Variants in MIB1 observed in about 807,000 individuals in gnomAD.
The protein encoded by MIB1 is MIB E3 ubiquitin protein ligase 1.
MIB1 carries 278 observed loss-of-function variants against 124.5 expected under a neutral mutation model. The ratio of observed to expected loss-of-function variants is 2.23; its 90% CI spans 2.02 to 2.47. MIB1 has a LOEUF of 2.47. MIB1 is among the 30% of genes most tolerant of loss of function. The pLI is 0.00. For synonymous variants in MIB1, 446 were observed against 429.4 expected, an observed-to-expected ratio of 1.04 and a Z score of -0.48; for missense variants, 957 against 1,254.4, an observed-to-expected ratio of 0.76 and a Z score of 3.58.
At chr18:21,817,285 A>T (rs1188088599) in intron 11 of MIB1, among the ~76,000 whole-genome samples, 2 of 146,640 alleles carry the variant, frequency 1.4e-5, no homozygotes, top group Admixed American at 1.4e-4. Context: ...AGTAGCTGGG[A>T]CTACAGGTGT....
chr18:21,721,628 T>C (rs192081534), intron 1 of MIB1, among the ~76,000 whole-genome samples: 5 of 152,322 alleles, frequency 3.3e-5, no homozygotes, highest in African/African-American at 1.2e-4. Context: ...GAAACTCAGG[T>C]ATCTTTGAAA....
intron 10 of MIB1, among the ~76,000 whole-genome samples, chr18:21,806,095 G>A (rs954966001): frequency 7.9e-5 from 12 of 151,562 alleles, no homozygotes; most frequent in Non-Finnish European, 1.2e-4. Context: ...TAGAGTTGGG[G>A]TTTCGCCATG....
intron 1 of MIB1, among the ~76,000 whole-genome samples, chr18:21,743,784 AG>A (rs2040882492): frequency 1.3e-5 from 2 of 152,252 alleles, no homozygotes; most frequent in Non-Finnish European, 2.9e-5. Context: ...TTAAGTATCT[AG>A]GGTAAAGTGT....
intron 7 of MIB1, among the ~76,000 whole-genome samples, chr18:21,795,329 AATATATAAT>A (rs1055894559): frequency 4.4e-5 from 6 of 137,150 alleles, no homozygotes; most frequent in African/African-American, 8.6e-5. Flanking sequence ...ATAATATATA[AATATATAAT>A]ATATATAATA....
intron 1 of MIB1, chr18:21,712,109 T>A (rs1221256825): frequency 1.5e-4 from 26 of 176,190 alleles, no homozygotes; most frequent in Non-Finnish European, 7.5e-5. Flanking sequence ...ACAGTGCTTA[T>A]ACAGGAAGTT....
At chr18:21,774,326 C>T (rs980999331) in intron 4 of MIB1, among the ~76,000 whole-genome samples, 4 of 152,176 alleles carry the variant, frequency 2.6e-5, no homozygotes, top group Non-Finnish European at 4.4e-5. Context: ...CGGTGGCTCA[C>T]GCCTGTAATC....
At chr18:21,785,474 A>G (rs1395889441) in intron 6 of MIB1, among the ~76,000 whole-genome samples, 1 of 152,204 alleles carries the variant, frequency 6.6e-6, no homozygotes, top group East Asian at 1.9e-4. Flanking sequence ...TTTGATTACA[A>G]AGAAAATCAA....
chr18:21,761,971 G>A (rs2041103102), intron 1 of MIB1, among the ~76,000 whole-genome samples: 1 of 152,166 alleles, frequency 6.6e-6, no homozygotes, highest in Admixed American at 6.5e-5. Context: ...AATAATGGGT[G>A]GGAGTACACG....
chr18:21,838,317 G>A lies in MIB1; in HGVS notation c.1830-48G>A. 10 of 1,364,182 alleles carry A rather than the reference G, an allele frequency of 7.3e-6. No individual in the cohort carries two copies. The East Asian group carries it at 7.4e-5, about 10-fold the overall frequency. 84.5% of individuals were successfully genotyped at this position (1,364,182 alleles called of 1,614,324 possible). A position where few individuals can be genotyped will look rare whatever the true frequency, so the allele number is the denominator to read the frequency against. On this transcript the variant is annotated intron_variant, in intron 12 of 20. Transcript: ENST00000261537. ...ATTTGATTGCAAACTTTTCTTTTGA[G>A]TATATCAAATTATGCAAATATAGAA...
intron 15 of MIB1, among the ~76,000 whole-genome samples, chr18:21,845,582 C>T (rs1378630256): frequency 6.6e-6 from 1 of 151,978 alleles, no homozygotes; most frequent in African/African-American, 2.4e-5. Flanking sequence ...TTGTGGATAT[C>T]CAGTTGTTCC....
At chr18:21,710,965 T>A (rs1462164985) in intron 1 of MIB1, among the ~76,000 whole-genome samples, 1 of 151,976 alleles carries the variant, frequency 6.6e-6, no homozygotes, top group Non-Finnish European at 1.5e-5. Flanking sequence ...TAGCTGGGAT[T>A]ACAGGCATGT....
At chr18:21,792,575 T>C (rs773290111) in intron 7 of MIB1, among the ~76,000 whole-genome samples, 26 of 152,112 alleles carry the variant, frequency 1.7e-4, no homozygotes, top group Admixed American at 1.0e-3. Context: ...GCTACAATAG[T>C]GAACAATACA....
In MIB1 at chr18:21,819,585, AC is replaced by A. The variant is rs1445511257; in HGVS notation, c.1770del (p.Ile591SerfsTer15). The A allele has an allele frequency of 1.2e-6, 2 of 1,612,126 alleles. No individual in the cohort carries two copies. Among genetic ancestry groups the A allele is most frequent in the Non-Finnish European group, 1.7e-6 (2 of 1,178,832 alleles). On this transcript the variant is annotated frameshift_variant, in exon 12 of 21. Coordinates refer to ENST00000261537, the MANE Select transcript of MIB1 (RefSeq NM_020774.4). LOFTEE classifies it high-confidence loss of function. ...TCTTTTGGAAGCTGGAGCAGATGTT[AC>A]CATCACAAACAATAATGGATTTAAT... ...AVLLEAGADV[T>X]ITNNNGFNAL...
intron 18 of MIB1, among the ~76,000 whole-genome samples, chr18:21,856,102 C>T (rs1020125834): frequency 2.0e-5 from 3 of 151,186 alleles, no homozygotes; most frequent in Admixed American, 6.6e-5. Context: ...CGGTGGCGGG[C>T]GCCTGTAGTC....
chr18:21,867,994 G>C lies in MIB1; in HGVS notation c.*3328G>C, dbSNP rs1006108485. On this transcript the variant is annotated 3_prime_UTR_variant, in exon 21 of 21. Transcript: ENST00000261537. The stretch of plus-strand genomic sequence containing the variant: ...ATCATACAGATGTCATCAAATTATA[G>C]GCTTTAATACAGGTTGCTTTTTTTA... 7 of 151,980 alleles carry C rather than the reference G, an allele frequency of 4.6e-5. No individual in the cohort carries two copies. The highest frequency in any genetic ancestry group is 1.7e-4 in the African/African-American group (7 of 41,410). The allele number at this position is 151,980 out of a possible 1,614,324, so 9.4% of individuals were successfully genotyped here.
chr18:21,783,877 G>A (rs1444792108), intron 6 of MIB1, among the ~76,000 whole-genome samples: 1 of 151,690 alleles, frequency 6.6e-6, no homozygotes, highest in Non-Finnish European at 1.5e-5. Context: ...CTTCCAAGTG[G>A]CTGGAACTAC....
rs543170539 is a variant in MIB1, at chr18:21,811,625, G to T, written c.1480-3991G>T. Among the ~76,000 whole-genome samples, 15 of 152,228 alleles carry T rather than the reference G, an allele frequency of 9.9e-5. 1 individual carries two copies. In the South Asian group the frequency reaches 2.3e-3, roughly 23 times the overall value. Reference sequence around the variant, plus strand: ...GTTACAAAAAGACAAATACTGTATGGTTCCACTAAGAAGTATAGATAGTAG... The same window carrying T: ...GTTACAAAAAGACAAATACTGTATGTTTCCACTAAGAAGTATAGATAGTAG... On this transcript the variant is annotated intron_variant, in intron 10 of 20. Transcript: ENST00000261537.
At chr18:21,779,773 A>C (rs2041337124) in intron 6 of MIB1, 88 bp downstream of exon 6, 2 of 1,025,728 alleles carry the variant, frequency 1.9e-6, no homozygotes, top group South Asian at 2.8e-5. Context: ...TGATACAACC[A>C]AATACTCATT....
Position 21,867,348 on chromosome 18 carries a change from C to A in MIB1, c.*2682C>A. On this transcript the variant is annotated 3_prime_UTR_variant, in exon 21 of 21. Transcript: ENST00000261537. Reference sequence around the variant, plus strand: ...TCTGTATCCCTCACCCTACCATTTTCTCCTTTATTCTTCTAAGATTGTTAG... The same window carrying A: ...TCTGTATCCCTCACCCTACCATTTTATCCTTTATTCTTCTAAGATTGTTAG... The A allele has an allele frequency of 6.6e-6, 1 of 152,562 alleles. No homozygotes were observed. Among genetic ancestry groups the A allele is most frequent in the East Asian group, 1.9e-4 (1 of 5,196 alleles). 9.5% of individuals were successfully genotyped at this position (152,562 alleles called of 1,614,324 possible). A position where few individuals can be genotyped will look rare whatever the true frequency, so the allele number is the denominator to read the frequency against.
Sources: allele counts gnomAD v4.1 joint callset (sites outside exome capture counted in the v4.1 genomes callset), GRCh38; gene constraint gnomAD v4.1.1; transcripts MANE v1.5; gene names NCBI Gene and HGNC (gene_info 2026-07-23, HGNC 2026-07-21).